CCDC60: variants seen among roughly 807,000 people sequenced by gnomAD.
CCDC60 encodes coiled-coil domain-containing protein 60.
A neutral mutation model predicts 63.5 loss-of-function variants in CCDC60; 54 were observed. The observed-to-expected ratio is 0.85, with a 90% CI of 0.68 to 1.07. CCDC60 has a LOEUF of 1.07. Ranked by LOEUF, CCDC60 falls within the 50% of genes least tolerant of loss-of-function variation. The probability of loss-of-function intolerance (pLI) is 0.00; values close to 1 mark genes in which losing one functional copy is unlikely to be tolerated. For synonymous variants in CCDC60, 206 were observed against 238.8 expected, an observed-to-expected ratio of 0.86 and a Z score of 1.27; for missense variants, 651 against 684.3, an observed-to-expected ratio of 0.95 and a Z score of 0.54.
At chr12:119,367,731 GA>G (rs1265956985) in intron 1 of CCDC60, among the ~76,000 whole-genome samples, 2 of 152,200 alleles carry the variant, frequency 1.3e-5, no homozygotes, top group African/African-American at 4.8e-5. Context: ...CAACATGGAA[GA>G]ACCTTGAAAA....
chr12:119,481,360 TA>T (rs1951314826), intron 4 of CCDC60, among the ~76,000 whole-genome samples: 1 of 152,160 alleles, frequency 6.6e-6, no homozygotes, highest in Non-Finnish European at 1.5e-5. Flanking sequence ...CCAATTGGAA[TA>T]GAACCAGTGG....
intron 11 of CCDC60, among the ~76,000 whole-genome samples, chr12:119,527,436 T>G (rs2136517634): frequency 1.3e-5 from 2 of 152,026 alleles, no homozygotes; most frequent in Middle Eastern, 6.8e-3. Flanking sequence ...AAAGTCATGC[T>G]GGAAAAGTAG....
Position 119,505,081 on chromosome 12 carries a change from A to G in CCDC60, c.661A>G (p.Lys221Glu). 6.2e-7 allele frequency: 1 copy of G among 1,600,638 alleles called. No individual in the cohort carries two copies. The highest frequency in any genetic ancestry group is 1.1e-5 in the South Asian group (1 of 90,020). ...FITAPKTKKF[K>E]IPTMRVTNRK... is the part of the protein sequence containing the mutation. ...CTCTTTCCTTTAGACCAAGAAATTC[A>G]AAATTCCCACAATGCGAGTCACCAA... The change falls in exon 7 of 14, where the codon AAA (lysine) becomes GAA (glutamate). Residue 221 changes from lysine (K) to glutamate (E), a missense_variant. Lys to Glu is a moderately conservative substitution (Grantham distance 56, BLOSUM62 1). Coordinates refer to ENST00000327554, the MANE Select transcript of CCDC60 (RefSeq NM_178499.5).
intron 2 of CCDC60, among the ~76,000 whole-genome samples, chr12:119,453,806 G>A (rs1950676838): frequency 6.6e-6 from 1 of 152,056 alleles, no homozygotes; most frequent in Non-Finnish European, 1.5e-5. Context: ...GGGAAGGGAA[G>A]AGGAGCAGGA....
At chr12:119,359,731 G>C (rs1335607403) in intron 1 of CCDC60, among the ~76,000 whole-genome samples, 1 of 152,026 alleles carries the variant, frequency 6.6e-6, no homozygotes, top group Non-Finnish European at 1.5e-5. Flanking sequence ...GAGTGGTGAT[G>C]ACTCTTAATG....
intron 2 of CCDC60, among the ~76,000 whole-genome samples, chr12:119,463,673 G>A (rs538011713): frequency 2.0e-5 from 3 of 152,330 alleles, no homozygotes; most frequent in South Asian, 4.1e-4. Context: ...ACCTTAAAAA[G>A]GGCTCTTATG....
At position 119,450,590 on chromosome 12, in the gene CCDC60, G is replaced by A. The variant is rs138004359; in HGVS notation, c.171-21404G>A. Reference sequence around the variant, plus strand: ...AAAGACATGAGAGGCCGGGCGCAGTGGCTCACGCCTGTAATCCCAGCACTT... The same window carrying A: ...AAAGACATGAGAGGCCGGGCGCAGTAGCTCACGCCTGTAATCCCAGCACTT... On this transcript the variant is annotated intron_variant, in intron 2 of 13. Transcript: ENST00000327554. Among the ~76,000 whole-genome samples, 24 of 152,242 alleles carry A rather than the reference G, an allele frequency of 1.6e-4. No homozygotes were observed. In the East Asian group the frequency reaches 4.6e-3, roughly 29 times the overall value.
intron 1 of CCDC60, among the ~76,000 whole-genome samples, chr12:119,405,719 G>T (rs928620517): frequency 6.6e-6 from 1 of 152,046 alleles, no homozygotes; most frequent in Non-Finnish European, 1.5e-5. Context: ...TAAGTTTTAC[G>T]TGTATTTCTT....
At chr12:119,433,461 C>T (rs2293495) in intron 2 of CCDC60, 47,711 of 702,194 alleles carry the variant, frequency 0.068, 1,801 homozygotes, top group East Asian at 0.08. Flanking sequence ...AAGAAAGAAA[C>T]GACAATGAGA....
At chr12:119,348,321 AC>A (rs1412485583) in intron 1 of CCDC60, among the ~76,000 whole-genome samples, 1 of 152,048 alleles carries the variant, frequency 6.6e-6, no homozygotes, top group African/African-American at 2.4e-5. Context: ...TGCTTCTTTA[AC>A]CCTAACTAGC....
At position 119,520,971 on chromosome 12, in the gene CCDC60, T is replaced by G. The variant is rs568271573; in HGVS notation, c.1040+779T>G. Among the ~76,000 whole-genome samples the G allele has an allele frequency of 8.0e-4, 122 of 152,294 alleles. 1 individual carries two copies. Among genetic ancestry groups the G allele is most frequent in the Non-Finnish European group, 1.4e-3 (93 of 68,016 alleles). ...CTGTGTCTGGGCTGGGGTTATAAACTTTTATGTGCCATAGACTCCTTGGTA... is the reference window on the plus strand; with the variant it reads ...CTGTGTCTGGGCTGGGGTTATAAACGTTTATGTGCCATAGACTCCTTGGTA... On this transcript the variant is annotated intron_variant, in intron 9 of 13. Coordinates refer to ENST00000327554, the MANE Select transcript of CCDC60 (RefSeq NM_178499.5).
chr12:119,532,971 T>C (rs2136540939), intron 13 of CCDC60, among the ~76,000 whole-genome samples: 1 of 152,334 alleles, frequency 6.6e-6, no homozygotes, highest in South Asian at 2.1e-4. Context: ...TTTCTGGCTC[T>C]AGATCCTTGA....
At chr12:119,470,654 C>T (rs1951039814) in intron 2 of CCDC60, among the ~76,000 whole-genome samples, 1 of 152,108 alleles carries the variant, frequency 6.6e-6, no homozygotes, top group Non-Finnish European at 1.5e-5. Flanking sequence ...CCATGCAAAA[C>T]CGAGCACAAG....
chr12:119,532,436 T>A (rs2136538335), intron 13 of CCDC60, among the ~76,000 whole-genome samples: 1 of 146,756 alleles, frequency 6.8e-6, no homozygotes, highest in Non-Finnish European at 1.5e-5. Flanking sequence ...TTATTATCAT[T>A]ATACTTTAAG....
chr12:119,486,200 C>T (rs1290243527), intron 4 of CCDC60, among the ~76,000 whole-genome samples: 2 of 152,136 alleles, frequency 1.3e-5, no homozygotes, highest in African/African-American at 4.8e-5. Context: ...AATGCTGTCA[C>T]CTGTAGGGCC....
chr12:119,523,630 C>A (rs1952592682), intron 10 of CCDC60, 63 bp from the exon 11 acceptor site: 4 of 1,602,264 alleles, frequency 2.5e-6, no homozygotes, highest in Middle Eastern at 4.2e-4. Context: ...CAGAGTGGGA[C>A]CCAGGTTACT....
intron 2 of CCDC60, among the ~76,000 whole-genome samples, chr12:119,433,202 C>G (rs1315864077): frequency 6.6e-6 from 1 of 152,070 alleles, no homozygotes; most frequent in African/African-American, 2.4e-5. Context: ...GGGACGTGCC[C>G]CAAGAACGAC....
At chr12:119,536,142 T>A (rs1333532992) in intron 13 of CCDC60, among the ~76,000 whole-genome samples, 1 of 152,210 alleles carries the variant, frequency 6.6e-6, no homozygotes, top group African/African-American at 2.4e-5. Context: ...GCTCTTCCTG[T>A]TGAATTGATC....
intron 4 of CCDC60, among the ~76,000 whole-genome samples, chr12:119,481,356 G>GGAATA (rs1244852917): frequency 6.6e-6 from 1 of 152,170 alleles, no homozygotes; most frequent in Non-Finnish European, 1.5e-5. Flanking sequence ...GAAACCAATT[G>GGAATA]GAATAGAACC....
Sources: gnomAD v4.1 joint callset for allele counts (sites outside exome capture counted in the v4.1 genomes callset) on GRCh38, gnomAD v4.1.1 for gene constraint, MANE v1.5 for transcripts, NCBI Gene and HGNC (gene_info 2026-07-23, HGNC 2026-07-21) for gene names.